The following ELL variants were observed in gnomAD, a reference collection of about 807,000 sequenced individuals.
The protein encoded by ELL is RNA polymerase II elongation factor ELL.
ELL carries 18 observed loss-of-function variants against 64.0 expected under a neutral mutation model. The ratio of observed to expected loss-of-function variants is 0.28; its 90% confidence interval spans 0.19 to 0.42. The LOEUF (loss-of-function observed/expected upper bound fraction) is 0.42. Among genes scored for constraint, ELL ranks in the 10% least tolerant of loss-of-function variants. The pLI is 1.00. For synonymous variants in ELL, 399 were observed against 376.2 expected, an observed-to-expected ratio of 1.06 and a Z score of -0.70; for missense variants, 797 against 870.4, an observed-to-expected ratio of 0.92 and a Z score of 1.06.
chr19:18,480,728 AG>A lies in ELL; in HGVS notation c.136-7847del, dbSNP rs941434536. Among the ~76,000 whole-genome samples, 15 of 152,126 alleles carry A rather than the reference AG, an allele frequency of 9.9e-5. No individual in the cohort carries two copies. In the South Asian group the frequency reaches 2.9e-3, roughly 29 times the overall value. On this transcript the variant is annotated intron_variant, in intron 1 of 11. Coordinates refer to ENST00000262809, the MANE Select transcript of ELL (RefSeq NM_006532.4). ...CGGCTCACTGCAGCTTCGACCTTCT[AG>A]GCTCAGGTGATCCTCCTGCCTCAGC...
chr19:18,463,972 C>T (rs555467511), intron 4 of ELL, among the ~76,000 whole-genome samples: 16 of 143,012 alleles, frequency 1.1e-4, no homozygotes, highest in Admixed American at 2.8e-4. Context: ...GGCGACAGAC[C>T]GCGACTCCAT....
intron 8 of ELL, 24 bp from the exon 9 acceptor site, chr19:18,446,838 C>G (rs1233391906): frequency 6.2e-7 from 1 of 1,613,738 alleles, no homozygotes; most frequent in Admixed American, 1.7e-5. Context: ...CACATACCTC[C>G]TGAGTCTGCG....
intron 1 of ELL, among the ~76,000 whole-genome samples, chr19:18,495,015 A>G (rs1001829012): frequency 1.2e-4 from 18 of 152,224 alleles, no homozygotes; most frequent in Non-Finnish European, 1.9e-4. Flanking sequence ...AACTCAATCA[A>G]GGTGTGGGCT....
chr19:18,472,589 G>A, intron 2 of ELL: 1 of 519,032 alleles, frequency 1.9e-6, no homozygotes, highest in Non-Finnish European at 3.4e-6. Flanking sequence ...GCACATCGCT[G>A]CATGAAGGGA....
intron 1 of ELL, among the ~76,000 whole-genome samples, chr19:18,485,557 A>G (rs1460303994): frequency 6.6e-6 from 1 of 152,100 alleles, no homozygotes. Context: ...CAGGGAGACC[A>G]GGTCTGGCCC....
chr19:18,447,135 G>T (rs1456769014), intron 8 of ELL, among the ~76,000 whole-genome samples: 2 of 152,208 alleles, frequency 1.3e-5, no homozygotes, highest in Non-Finnish European at 2.9e-5. Flanking sequence ...GGACAGGTCA[G>T]GGAACTGCAG....
chr19:18,454,481 G>A (rs867753418), intron 6 of ELL, among the ~76,000 whole-genome samples: 4 of 148,664 alleles, frequency 2.7e-5, no homozygotes, highest in Admixed American at 6.7e-5. Flanking sequence ...CCTGGGTGAC[G>A]AGCAAGACTC....
intron 1 of ELL, among the ~76,000 whole-genome samples, chr19:18,518,290 C>T (rs1042395786): frequency 2.0e-4 from 29 of 148,416 alleles, no homozygotes; most frequent in African/African-American, 6.2e-4. Context: ...ACTTGAGCCC[C>T]GGCGTTTGAA....
At chr19:18,481,816 T>C (rs1163695421) in intron 1 of ELL, among the ~76,000 whole-genome samples, 2 of 152,194 alleles carry the variant, frequency 1.3e-5, no homozygotes, top group South Asian at 2.1e-4. Flanking sequence ...CAGCTATAAA[T>C]ACTCATGGAC....
At chr19:18,450,074 G>A (rs1287278058) in intron 8 of ELL, among the ~76,000 whole-genome samples, 1 of 152,250 alleles carries the variant, frequency 6.6e-6, no homozygotes, top group Non-Finnish European at 1.5e-5. Flanking sequence ...GCTTGCCTGG[G>A]CCCCCACTGT....
At chr19:18,482,308 C>CA (rs747068945) in intron 1 of ELL, among the ~76,000 whole-genome samples, 1 of 77,578 alleles carries the variant, frequency 1.3e-5, no homozygotes, top group Non-Finnish European at 2.3e-5. Flanking sequence ...CTTTTCATTC[C>CA]TTTTTTTTTT....
rs377065981 is a variant in ELL at position 18,447,986 on chromosome 19, G to A, written c.1466-1172C>T. Among the ~76,000 whole-genome samples the A allele has an allele frequency of 5.3e-5, 8 of 151,830 alleles. No individual in the cohort carries two copies. The East Asian group carries it at 5.8e-4, about 11-fold the overall frequency. ...TTTTTTGTAGAGATGGGGTCTCACT[G>A]TGTTGCCCAGGCTGGTCTGAAACTC... On this transcript the variant is annotated intron_variant, in intron 8 of 11. Coordinates refer to ENST00000262809, the MANE Select transcript of ELL (RefSeq NM_006532.4).
At chr19:18,444,989 TG>T in intron 11 of ELL, 121 bp from the exon 12 acceptor site, 1 of 1,199,376 alleles carries the variant, frequency 8.3e-7, no homozygotes, top group Non-Finnish European at 1.2e-6. Flanking sequence ...AGGAGGGTTG[TG>T]GTCCAAGGGC....
chr19:18,490,568 T>C (rs937149371), intron 1 of ELL, among the ~76,000 whole-genome samples: 21 of 152,218 alleles, frequency 1.4e-4, no homozygotes, highest in South Asian at 6.2e-4. Flanking sequence ...TTGGGTAACA[T>C]AGACCCCTCC....
At chr19:18,471,763 C>T (rs1327549844) in intron 2 of ELL, among the ~76,000 whole-genome samples, 2 of 152,122 alleles carry the variant, frequency 1.3e-5, no homozygotes, top group Admixed American at 1.3e-4. Flanking sequence ...AGATGACTCA[C>T]CCTTTCTCTC....
chr19:18,444,803 G>C lies in ELL; in HGVS notation c.1815C>G (p.Ile605Met). 1 of 1,611,280 alleles carries C rather than the reference G, an allele frequency of 6.2e-7. No homozygotes were observed. The highest frequency in any genetic ancestry group is 8.5e-7 in the Non-Finnish European group (1 of 1,179,944). Residue 605 changes from isoleucine (I) to methionine (M), a missense_variant, in exon 12 of 12, where the codon ATC (isoleucine) becomes ATG (methionine). Coordinates refer to ENST00000262809, the MANE Select transcript of ELL (RefSeq NM_006532.4). ...CEYLHSKLAHIKRLIAEYDQR... is the reference protein window; with the variant it reads ...CEYLHSKLAHMKRLIAEYDQR... ...GGTCGTACTCGGCGATGAGCCTCTT[G>C]ATGTGGGCCAGCTTGCTGTGCAGGT... is the stretch of plus-strand genomic sequence containing the variant.
intron 2 of ELL, chr19:18,472,619 C>T (rs766159092): frequency 3.6e-6 from 2 of 554,334 alleles, no homozygotes; most frequent in South Asian, 2.6e-5. Context: ...AGAGGAGAGC[C>T]GCCCATTGCC....
At chr19:18,445,399 A>C in intron 10 of ELL, 131 bp from the exon 11 acceptor site, 1 of 961,158 alleles carries the variant, frequency 1.0e-6, no homozygotes, top group Non-Finnish European at 1.7e-6. Flanking sequence ...AGGCCAAGTA[A>C]CACCCCAGGG....
intron 2 of ELL, among the ~76,000 whole-genome samples, chr19:18,466,245 G>A (rs1245910043): frequency 1.3e-5 from 2 of 152,188 alleles, no homozygotes; most frequent in African/African-American, 4.8e-5. Flanking sequence ...TGTGACCCCT[G>A]GAAAGTGGTT....
Sources: allele counts gnomAD v4.1 joint callset (sites outside exome capture counted in the v4.1 genomes callset), GRCh38; gene constraint gnomAD v4.1.1; transcripts MANE v1.5; gene names NCBI Gene and HGNC (gene_info 2026-07-23, HGNC 2026-07-21).